The following TTLL1 variants were observed in gnomAD, a reference collection of about 807,000 sequenced individuals.
TTLL1 encodes TTL family tubulin polyglutamylase complex subunit L1.
TTLL1 carries 33 observed loss-of-function variants against 47.8 expected under a neutral mutation model. The ratio of observed to expected loss-of-function variants is 0.69; its 90% confidence interval spans 0.52 to 0.92. TTLL1 has a LOEUF of 0.92. TTLL1 is among the 40% of genes least tolerant of loss of function. TTLL1 has a pLI of 0.00. For missense variants in TTLL1, 488 were observed against 547.5 expected (o/e 0.89, Z 1.08); for synonymous variants, 225 against 214.1 (o/e 1.05, Z -0.45).
At chr22:43,064,411 G>A (rs1927595112) in intron 5 of TTLL1, 87 bp from the exon 6 acceptor site, 1 of 1,453,838 alleles carries the variant, frequency 6.9e-7, no homozygotes, top group East Asian at 2.4e-5. Flanking sequence ...TGATAAGCCG[G>A]ACTTCATTAA....
chr22:43,069,591 T>A, intron 4 of TTLL1, 45 bp downstream of exon 4: 1 of 1,612,080 alleles, frequency 6.2e-7, no homozygotes. Flanking sequence ...AAAGAAAAAA[T>A]TCAGCTGTTT....
At chr22:43,073,970 C>T (rs929406462) in intron 3 of TTLL1, among the ~76,000 whole-genome samples, 1 of 151,864 alleles carries the variant, frequency 6.6e-6, no homozygotes, top group Non-Finnish European at 1.5e-5. Context: ...TACAGGCAGG[C>T]ACCACCACAC....
intron 7 of TTLL1, 122 bp from the exon 8 acceptor site, chr22:43,059,649 G>A (rs1927273099): frequency 5.5e-6 from 7 of 1,272,038 alleles, no homozygotes; most frequent in Middle Eastern, 2.3e-4. Flanking sequence ...CAGCAACAAG[G>A]CAAACATCCA....
At chr22:43,059,269 C>T (rs1927235092) in intron 8 of TTLL1, 115 bp downstream of exon 8, 2 of 1,429,408 alleles carry the variant, frequency 1.4e-6, no homozygotes, top group Non-Finnish European at 9.3e-7. Flanking sequence ...GCTGGGATTA[C>T]AGGCGTGAGC....
intron 1 of TTLL1, among the ~76,000 whole-genome samples, chr22:43,086,265 G>C (rs1370664476): frequency 1.3e-5 from 2 of 148,546 alleles, no homozygotes. Context: ...AGGAAAAACA[G>C]AGTGACATAT....
At chr22:43,077,834 C>T (rs1355609591) in intron 2 of TTLL1, among the ~76,000 whole-genome samples, 4 of 152,096 alleles carry the variant, frequency 2.6e-5, no homozygotes, top group Admixed American at 2.0e-4. Flanking sequence ...TGGCCGGGCG[C>T]GGTGGCTCAC....
In TTLL1 at chr22:43,059,284, G is replaced by A. The variant is rs371640257; in HGVS notation, c.891+100C>T. Reference sequence around the variant, plus strand: ...GCTGGGATTACAGGCGTGAGCCGCCGCGCACAGCTGAAAACAGGGATTTTT... The same window carrying A: ...GCTGGGATTACAGGCGTGAGCCGCCACGCACAGCTGAAAACAGGGATTTTT... On this transcript the variant is annotated intron_variant, in intron 8 of 10. Coordinates refer to ENST00000266254, the MANE Select transcript of TTLL1 (RefSeq NM_012263.5). 121 of 1,493,056 alleles carry A rather than the reference G, an allele frequency of 8.1e-5. 1 individual carries two copies. The highest frequency in any genetic ancestry group is 2.5e-4 in the Middle Eastern group (1 of 4,018). 92.5% of individuals were successfully genotyped at this position (1,493,056 alleles called of 1,614,324 possible). A position where few individuals can be genotyped will look rare whatever the true frequency, so the allele number is the denominator to read the frequency against.
intron 1 of TTLL1, among the ~76,000 whole-genome samples, chr22:43,088,144 AAAATAAAT>A (rs201843622): frequency 6.6e-6 from 1 of 151,624 alleles, no homozygotes; most frequent in African/African-American, 2.4e-5. Context: ...ACTCCGTCTA[AAAATAAAT>A]AAATAAATAA....
intron 4 of TTLL1, among the ~76,000 whole-genome samples, 199 bp from the exon 5 acceptor site, chr22:43,068,789 C>T (rs1927916383): frequency 6.6e-6 from 1 of 152,030 alleles, no homozygotes; most frequent in Admixed American, 6.6e-5. Context: ...TACCTAAGCA[C>T]CTTACAAACC....
At chr22:43,079,249 AT>A (rs1928721462) in intron 2 of TTLL1, among the ~76,000 whole-genome samples, 1 of 106,320 alleles carries the variant, frequency 9.4e-6, no homozygotes, top group Non-Finnish European at 2.2e-5. Flanking sequence ...ACCCACAGAC[AT>A]GGGGGCCAAG....
intron 3 of TTLL1, among the ~76,000 whole-genome samples, chr22:43,071,893 G>A (rs1007737762): frequency 6.6e-6 from 1 of 152,230 alleles, no homozygotes; most frequent in Non-Finnish European, 1.5e-5. Context: ...GCTGGAAGGT[G>A]GGCACAGCTG....
chr22:43,063,052 C>G (rs1326774029), intron 7 of TTLL1, among the ~76,000 whole-genome samples: 1 of 152,164 alleles, frequency 6.6e-6, no homozygotes, highest in Non-Finnish European at 1.5e-5. Context: ...ACGGTTCCTA[C>G]TGAATGCATG....
At position 43,083,341 on chromosome 22, in the gene TTLL1, C is replaced by T. The variant is rs188930452; in HGVS notation, c.-89-3355G>A. On this transcript the variant is annotated intron_variant, in intron 1 of 10. Transcript: ENST00000266254. Reference sequence around the variant, plus strand: ...CCAAGATTGCACCACTGCAGTCCAGCCTGGGCGACAGAGCGAGACTTAGTC... The same window carrying T: ...CCAAGATTGCACCACTGCAGTCCAGTCTGGGCGACAGAGCGAGACTTAGTC... Among the ~76,000 whole-genome samples, 611 of 152,220 alleles carry T rather than the reference C, an allele frequency of 4.0e-3. 1 individual carries two copies. Among genetic ancestry groups the T allele is most frequent in the Non-Finnish European group, 7.0e-3 (478 of 68,038 alleles).
At position 43,075,555 on chromosome 22, in the gene TTLL1, A is replaced by G. The variant is rs370302008; in HGVS notation, c.32T>C (p.Ile11Thr). 46 of 1,614,098 alleles carry G rather than the reference A, an allele frequency of 2.8e-5. No individual in the cohort carries two copies. The highest frequency in any genetic ancestry group is 5.3e-5 in the African/African-American group (4 of 74,936). MAGKVKWVTD[I>T]EKSVLINNFE... is the part of the protein sequence containing the mutation. The stretch of plus-strand genomic sequence containing the variant: ...GTTATTGATCAGCACTGACTTCTCG[A>G]TATCAGTGACCCATTTTACTTTCCC... The change falls in exon 3 of 11, where the codon ATC becomes ACC. Residue 11 changes from isoleucine (I) to threonine (T), a missense_variant. Physicochemically the swap from Ile to Thr is moderately conservative, Grantham distance 89 (BLOSUM62 -1). Coordinates refer to ENST00000266254, the MANE Select transcript of TTLL1 (RefSeq NM_012263.5).
At chr22:43,080,902 C>CTTTTTTTTTTTTTTTTTTTTTTTTT (rs10529079) in intron 1 of TTLL1, among the ~76,000 whole-genome samples, 3 of 69,302 alleles carry the variant, frequency 4.3e-5, no homozygotes, top group African/African-American at 5.7e-5. Context: ...TGTTGCATGA[C>CTTTTTTTTTTTTTTTTTTTTTTTTT]TTTTTTTTTT....
intron 6 of TTLL1, 125 bp from the exon 7 acceptor site, chr22:43,064,046 G>C: frequency 6.7e-7 from 1 of 1,482,696 alleles, no homozygotes. Flanking sequence ...CATCGGGCCT[G>C]ACTGCTCTTA....
At chr22:43,070,149 T>G in intron 3 of TTLL1, 1 of 1,412,254 alleles carries the variant, frequency 7.1e-7, no homozygotes, top group Non-Finnish European at 9.5e-7. Context: ...ATGATAACAC[T>G]GTCAACAAAT....
chr22:43,059,031 C>T (rs1174475904), intron 8 of TTLL1, among the ~76,000 whole-genome samples: 11 of 151,340 alleles, frequency 7.3e-5, no homozygotes, highest in Admixed American at 7.3e-4. Flanking sequence ...GCTCTGTCAC[C>T]CAGGCTGGAG....
chr22:43,039,860 C>T lies in TTLL1; in HGVS notation c.1188G>A (p.Leu396=). The T allele has an allele frequency of 6.2e-7, 1 of 1,613,940 alleles. No homozygotes were observed. Among genetic ancestry groups the T allele is most frequent in the Middle Eastern group, 1.6e-4 (1 of 6,062 alleles). Residue 396 remains leucine, a synonymous_variant, in exon 11 of 11, where the codon CTG becomes CTA. Coordinates refer to ENST00000266254, the MANE Select transcript of TTLL1 (RefSeq NM_012263.5). Reference sequence around the variant, plus strand: ...CCAGAGACTGACCCTGACGGCTTCTCAGCTCCCGGTCAGCCCCGTCACCCT... The same window carrying T: ...CCAGAGACTGACCCTGACGGCTTCTTAGCTCCCGGTCAGCCCCGTCACCCT... ...LAQGDGADRE[L]RSRQGQSLGP...
Sources: allele counts gnomAD v4.1 joint callset (sites outside exome capture counted in the v4.1 genomes callset), GRCh38; gene constraint gnomAD v4.1.1; transcripts MANE v1.5; gene names NCBI Gene and HGNC (gene_info 2026-07-23, HGNC 2026-07-21).